ROBO2: variants seen among roughly 807,000 people sequenced by gnomAD.
ROBO2 encodes roundabout homolog 2.
ROBO2 carries 53 observed loss-of-function variants against 160.8 expected under a neutral mutation model. The ratio of observed to expected loss-of-function variants is 0.33; its 90% CI spans 0.26 to 0.41. The LOEUF (loss-of-function observed/expected upper bound fraction) is 0.41, where lower values mean the gene tolerates loss of function less well. Among genes scored for constraint, ROBO2 ranks in the 10% least tolerant of loss-of-function variants. ROBO2 has a pLI of 1.00. For synonymous variants in ROBO2, 664 were observed against 611.7 expected (o/e 1.09, Z -1.26); for missense variants, 1,577 against 1,722.4 (o/e 0.92, Z 1.49).
chr3:76,058,403 T>TA (rs1433606451), intron 2 of ROBO2, among the ~76,000 whole-genome samples: 2 of 152,104 alleles, frequency 1.3e-5, no homozygotes, highest in Non-Finnish European at 2.9e-5. Context: ...ATACTATAGT[T>TA]ATTACTACTG....
intron 2 of ROBO2, among the ~76,000 whole-genome samples, chr3:76,098,560 CAAATA>C (rs149234846): frequency 0.55 from 83,255 of 151,040 alleles, 23,377 homozygotes; most frequent in Middle Eastern, 0.75. Context: ...AAAGATAAAT[CAAATA>C]AATATGAAAA....
At position 77,097,887 on chromosome 3, in the gene ROBO2, A is replaced by G. The variant is rs1162945212; in HGVS notation, c.62-127A>G. 3.4e-6 allele frequency: 3 copies of G among 872,642 alleles called. No homozygotes were observed. In the African/African-American group the frequency reaches 5.1e-5, roughly 15 times the overall value. The allele number at this position is 872,642 out of a possible 1,614,324, so 54.1% of individuals were successfully genotyped here. On this transcript the variant is annotated intron_variant, in intron 1 of 25. Coordinates refer to ENST00000461745, the Ensembl canonical transcript of ROBO2. ...ATGACTTATGAGATGCATACACAAA[A>G]CGAAACATAAAATAATGTTCAGTTG...
At chr3:77,473,711 C>T (rs1160224125) in intron 2 of ROBO2, among the ~76,000 whole-genome samples, 1 of 152,188 alleles carries the variant, frequency 6.6e-6, no homozygotes, top group Non-Finnish European at 1.5e-5. Context: ...CCACCTCGGC[C>T]TCCCAAAGTG....
chr3:76,689,774 G>A (rs2092761973), intron 2 of ROBO2, among the ~76,000 whole-genome samples: 1 of 152,104 alleles, frequency 6.6e-6, no homozygotes, highest in African/African-American at 2.4e-5. Context: ...CCTTCTAGCA[G>A]GTATTAAAAT....
chr3:77,168,167 TAC>T (rs1483336037), intron 2 of ROBO2, among the ~76,000 whole-genome samples: 7 of 152,214 alleles, frequency 4.6e-5, no homozygotes, highest in Admixed American at 1.3e-4. Context: ...ATTTCATCGT[TAC>T]AGACAATCAG....
chr3:77,170,237 GT>G (rs901257863), intron 2 of ROBO2, among the ~76,000 whole-genome samples: 12 of 152,024 alleles, frequency 7.9e-5, no homozygotes, highest in African/African-American at 2.7e-4. Context: ...GCCTAGGTAG[GT>G]TTTTAATTAT....
chr3:76,215,514 C>T (rs560166703), intron 2 of ROBO2, among the ~76,000 whole-genome samples: 8 of 152,146 alleles, frequency 5.3e-5, no homozygotes, highest in Non-Finnish European at 1.2e-4. Flanking sequence ...GTGACAAATG[C>T]AGAAGCCTCA....
At chr3:76,920,993 A>C (rs1463977425) in intron 2 of ROBO2, among the ~76,000 whole-genome samples, 1 of 152,206 alleles carries the variant, frequency 6.6e-6, no homozygotes, top group Non-Finnish European at 1.5e-5. Context: ...ATATGTTCAG[A>C]GGGCGAACAG....
chr3:76,930,603 G>A (rs1447254148), intron 2 of ROBO2, among the ~76,000 whole-genome samples: 1 of 152,116 alleles, frequency 6.6e-6, no homozygotes, highest in Non-Finnish European at 1.5e-5. Context: ...ATGGAAGGTT[G>A]GTTTACTTGA....
At chr3:77,383,640 C>T (rs1232931353) in intron 2 of ROBO2, among the ~76,000 whole-genome samples, 3 of 152,016 alleles carry the variant, frequency 2.0e-5, no homozygotes, top group Non-Finnish European at 4.4e-5. Flanking sequence ...GTTTAAGTCC[C>T]TAAAGGTAGA....
chr3:76,208,283 G>C (rs1477893926), intron 2 of ROBO2, among the ~76,000 whole-genome samples: 2 of 152,132 alleles, frequency 1.3e-5, no homozygotes, highest in African/African-American at 4.8e-5. Context: ...GTTCCTGGAG[G>C]AATGCTCTCC....
intron 2 of ROBO2, among the ~76,000 whole-genome samples, chr3:76,849,265 G>A (rs550322253): frequency 6.6e-6 from 1 of 152,106 alleles, no homozygotes; most frequent in Non-Finnish European, 1.5e-5. Flanking sequence ...ATACACTTAG[G>A]GGGTATTCAG....
rs1349438339 is a variant in ROBO2, at chr3:76,272,889, TA to T, written c.109+335292del. Among the ~76,000 whole-genome samples the T allele has an allele frequency of 5.3e-4, 34 of 63,630 alleles. 4 individuals carry two copies. Among genetic ancestry groups the T allele is most frequent in the Middle Eastern group, 0.016 (1 of 62 alleles). 41.7% of individuals were successfully genotyped at this position (63,630 alleles called of 152,430 possible). A position where few individuals can be genotyped will look rare whatever the true frequency, so the allele number is the denominator to read the frequency against. On this transcript the variant is annotated intron_variant, in intron 2 of 26. Coordinates refer to the ROBO2 transcript ENST00000487694. ...AAAATATATAATATATATTTATATA[TA>T]AAAATATAATATATATTTATATATA...
At chr3:76,444,489 G>A (rs2077074768) in intron 2 of ROBO2, among the ~76,000 whole-genome samples, 1 of 152,090 alleles carries the variant, frequency 6.6e-6, no homozygotes, top group Non-Finnish European at 1.5e-5. Flanking sequence ...AGCATGGCTA[G>A]GGAGGCCTCA....
chr3:76,036,505 C>T (rs2067113982), intron 2 of ROBO2, among the ~76,000 whole-genome samples: 1 of 151,218 alleles, frequency 6.6e-6, no homozygotes, highest in Admixed American at 6.6e-5. Flanking sequence ...CAAGTTTCTC[C>T]CTTTTTTCTT....
chr3:77,507,205 T>C (rs2088670024), intron 5 of ROBO2, among the ~76,000 whole-genome samples: 2 of 152,108 alleles, frequency 1.3e-5, no homozygotes, highest in African/African-American at 4.8e-5. Context: ...CATGAATTAT[T>C]CCATAAACAC....
chr3:77,182,742 TAG>T (rs777310706), intron 2 of ROBO2, among the ~76,000 whole-genome samples: 1 of 152,026 alleles, frequency 6.6e-6, no homozygotes, highest in Non-Finnish European at 1.5e-5. Context: ...AATCTCTCCA[TAG>T]AGACTCTGTG....
chr3:76,608,567 C>G (rs1034266835), intron 2 of ROBO2, among the ~76,000 whole-genome samples: 2 of 152,144 alleles, frequency 1.3e-5, no homozygotes, highest in African/African-American at 2.4e-5. Flanking sequence ...TGCAGAAGAC[C>G]TTTAACTTTG....
At chr3:77,415,506 G>T (rs2077142972) in intron 2 of ROBO2, among the ~76,000 whole-genome samples, 1 of 152,174 alleles carries the variant, frequency 6.6e-6, no homozygotes, top group African/African-American at 2.4e-5. Flanking sequence ...GGCGCTTTCA[G>T]CTCCACTTCA....
Sources: gnomAD v4.1 joint callset for allele counts (sites outside exome capture counted in the v4.1 genomes callset) on GRCh38, gnomAD v4.1.1 for gene constraint, MANE v1.5 for transcripts, NCBI Gene and HGNC (gene_info 2026-07-23, HGNC 2026-07-21) for gene names.